SLIT3: variants seen among roughly 807,000 people sequenced by gnomAD.
SLIT3 encodes the protein slit homolog 3 protein.
Under a neutral mutation model 184.0 loss-of-function variants are expected in SLIT3, and 68 were observed. That is an observed-to-expected ratio of 0.37 (90% CI 0.30 to 0.45). The LOEUF (loss-of-function observed/expected upper bound fraction) is 0.45. Among genes scored for constraint, SLIT3 ranks in the 20% least tolerant of loss-of-function variants. The pLI is 1.00. For synonymous variants in SLIT3, 831 were observed against 828.6 expected (o/e 1.00, Z -0.05); for missense variants, 1,707 against 2,026.0 (o/e 0.84, Z 3.02).
intron 14 of SLIT3, among the ~76,000 whole-genome samples, chr5:168,768,957 G>T (rs1262922499): frequency 6.6e-6 from 1 of 152,174 alleles, no homozygotes; most frequent in Non-Finnish European, 1.5e-5. Flanking sequence ...GGGCCGTAGG[G>T]TTTGGACTGA....
chr5:168,848,721 T>C (rs945095493), intron 5 of SLIT3, among the ~76,000 whole-genome samples: 2 of 152,106 alleles, frequency 1.3e-5, no homozygotes, highest in African/African-American at 4.8e-5. Flanking sequence ...TACTGTATTT[T>C]TATACTCTGA....
intron 4 of SLIT3, among the ~76,000 whole-genome samples, chr5:169,025,864 T>C (rs1475892782): frequency 6.6e-6 from 1 of 152,232 alleles, no homozygotes. Flanking sequence ...CTTTGTATTA[T>C]CTGTTACTAC....
chr5:168,898,400 T>C (rs1760759161), intron 4 of SLIT3, among the ~76,000 whole-genome samples: 1 of 148,054 alleles, frequency 6.8e-6, no homozygotes, highest in Admixed American at 6.6e-5. Flanking sequence ...GGGAGACTTT[T>C]TTTTTTTTTT....
rs80205933 is a variant in SLIT3, at chr5:168,728,601, A to G, written c.2271-4117T>C. Among the ~76,000 whole-genome samples the G allele has an allele frequency of 2.7e-4, 41 of 152,244 alleles. 1 individual carries two copies. The highest frequency in any genetic ancestry group is 9.6e-4 in the African/African-American group (40 of 41,564). Reference sequence around the variant, plus strand: ...TGTAGGCTATAAATAAGAAATTTCCAAGGACACAGACATCTTAAAAAAAAT... The same window carrying G: ...TGTAGGCTATAAATAAGAAATTTCCGAGGACACAGACATCTTAAAAAAAAT... On this transcript the variant is annotated intron_variant, in intron 20 of 35. Transcript: ENST00000519560.
At position 168,724,416 on chromosome 5, in the gene SLIT3, A is replaced by G. The variant is rs1482512712; in HGVS notation, c.2339T>C (p.Ile780Thr). ...ELSALRHLTL[I>T]DLSNNSISML... ...TCCCACCCAATACTGGGCTCCTTACATAAGCGTCAGGTGTCGGAGGGCGGA... is the reference window on the plus strand; with the variant it reads ...TCCCACCCAATACTGGGCTCCTTACGTAAGCGTCAGGTGTCGGAGGGCGGA... Residue 780 changes from isoleucine to threonine, a missense_variant and splice_region_variant, in exon 21 of 36, where the codon ATT (isoleucine) becomes ACT (threonine). Physicochemically the swap from Ile to Thr is moderately conservative, Grantham distance 89 (BLOSUM62 -1). Coordinates refer to ENST00000519560, the MANE Select transcript of SLIT3 (RefSeq NM_003062.4). 20 of 1,612,128 alleles carry G rather than the reference A, an allele frequency of 1.2e-5. No homozygotes were observed. The highest frequency in any genetic ancestry group is 1.6e-5 in the Non-Finnish European group (19 of 1,178,790).
intron 21 of SLIT3, among the ~76,000 whole-genome samples, chr5:168,723,220 C>A (rs1427008122): frequency 6.6e-6 from 1 of 151,984 alleles, no homozygotes; most frequent in Non-Finnish European, 1.5e-5. Flanking sequence ...TCCATCCGTC[C>A]ATCCATACAT....
At chr5:168,921,037 T>C (rs888461027) in intron 4 of SLIT3, among the ~76,000 whole-genome samples, 7 of 152,150 alleles carry the variant, frequency 4.6e-5, no homozygotes, top group East Asian at 1.9e-4. Context: ...TGGAGTCAGA[T>C]TGCTGGAGTT....
chr5:168,917,969 A>C (rs1761498149), intron 4 of SLIT3, among the ~76,000 whole-genome samples: 1 of 152,194 alleles, frequency 6.6e-6, no homozygotes, highest in African/African-American at 2.4e-5. Context: ...ATGGATTATC[A>C]TTTTGATTAC....
intron 32 of SLIT3, among the ~76,000 whole-genome samples, chr5:168,676,288 G>C (rs1331353733): frequency 1.3e-5 from 2 of 152,196 alleles, no homozygotes; most frequent in Admixed American, 1.3e-4. Flanking sequence ...GGAAGATAGG[G>C]TAACTGCACT....
At chr5:168,703,438 G>A (rs980395171) in intron 26 of SLIT3, among the ~76,000 whole-genome samples, 9 of 152,130 alleles carry the variant, frequency 5.9e-5, no homozygotes, top group African/African-American at 2.2e-4. Flanking sequence ...CTCCTTTCAG[G>A]TCAGCCGTGG....
At chr5:169,141,766 T>A (rs1380824544) in intron 4 of SLIT3, among the ~76,000 whole-genome samples, 1 of 125,724 alleles carries the variant, frequency 8.0e-6, no homozygotes, top group Non-Finnish European at 1.7e-5. Flanking sequence ...AAAGTTAACA[T>A]CTCAGCCCAG....
chr5:169,073,898 T>C (rs945021038), intron 4 of SLIT3, among the ~76,000 whole-genome samples: 1 of 152,226 alleles, frequency 6.6e-6, no homozygotes. Flanking sequence ...GGAATTCCTT[T>C]AGTGCAATGC....
At chr5:168,851,239 C>T (rs978637273) in intron 5 of SLIT3, among the ~76,000 whole-genome samples, 2 of 149,814 alleles carry the variant, frequency 1.3e-5, no homozygotes, top group African/African-American at 2.5e-5. Flanking sequence ...AGGAGAATGG[C>T]GTGAACCCGG....
intron 4 of SLIT3, among the ~76,000 whole-genome samples, chr5:169,168,015 T>C (rs1762696258): frequency 6.6e-6 from 1 of 152,228 alleles, no homozygotes; most frequent in African/African-American, 2.4e-5. Flanking sequence ...ACTCTGGGGA[T>C]CTGAACTTTC....
intron 29 of SLIT3, among the ~76,000 whole-genome samples, chr5:168,690,755 T>G (rs1187362046): frequency 6.6e-6 from 1 of 151,884 alleles, no homozygotes; most frequent in Non-Finnish European, 1.5e-5. Context: ...TAGATAGGAA[T>G]GGGGTAGACA....
intron 4 of SLIT3, among the ~76,000 whole-genome samples, chr5:168,897,646 G>GCGCACACACA: frequency 9.5e-6 from 1 of 105,448 alleles, no homozygotes; most frequent in East Asian, 2.3e-4. Context: ...ACAGGTGCAC[G>GCGCACACACA]TACACACACA....
chr5:169,076,860 G>C (rs1217117100), intron 4 of SLIT3, among the ~76,000 whole-genome samples: 3 of 152,152 alleles, frequency 2.0e-5, no homozygotes, highest in Middle Eastern at 3.4e-3. Flanking sequence ...GATGAGACTT[G>C]GGACAACTAA....
At chr5:168,777,064 A>AACACAC (rs556884651) in intron 12 of SLIT3, among the ~76,000 whole-genome samples, 3 of 65,914 alleles carry the variant, frequency 4.6e-5, no homozygotes, top group African/African-American at 6.9e-5. Flanking sequence ...AATTTCATAC[A>AACACAC]ACACACACAC....
intron 4 of SLIT3, among the ~76,000 whole-genome samples, chr5:169,044,542 T>G (rs1040271085): frequency 8.0e-6 from 1 of 124,604 alleles, no homozygotes; most frequent in Non-Finnish European, 1.6e-5. Flanking sequence ...GGCAAATCCA[T>G]AGAGACAAAA....
Sources: allele counts gnomAD v4.1 joint callset (sites outside exome capture counted in the v4.1 genomes callset), GRCh38; gene constraint gnomAD v4.1.1; transcripts MANE v1.5; gene names NCBI Gene and HGNC (gene_info 2026-07-23, HGNC 2026-07-21).